Variants in KHDRBS3 observed in about 807,000 individuals in gnomAD.
KHDRBS3 encodes the protein KH domain-containing, RNA-binding, signal transduction-associated protein 3.
In KHDRBS3, 23 loss-of-function variants were observed where a neutral mutation model predicts 45.6. That is an observed-to-expected ratio of 0.50 (90% confidence interval 0.36 to 0.72). The LOEUF is 0.72. Among genes scored for constraint, KHDRBS3 ranks in the 30% least tolerant of loss-of-function variants. The pLI, the probability that KHDRBS3 is intolerant of heterozygous loss-of-function variation, is 0.00. For synonymous variants in KHDRBS3, 162 were observed against 156.5 expected (o/e 1.04, Z -0.26); for missense variants, 352 against 424.8 (o/e 0.83, Z 1.51).
intron 2 of KHDRBS3, among the ~76,000 whole-genome samples, chr8:135,537,881 A>C (rs1055061172): frequency 2.6e-5 from 4 of 152,204 alleles, no homozygotes; most frequent in Admixed American, 6.5e-5. Flanking sequence ...GTATTTGCTT[A>C]TTTCTTACTG....
chr8:135,507,282 G>C (rs1405625314), intron 1 of KHDRBS3, among the ~76,000 whole-genome samples: 2 of 152,182 alleles, frequency 1.3e-5, no homozygotes, highest in African/African-American at 4.8e-5. Flanking sequence ...ATAGAAGACA[G>C]TCAGATATCC....
In KHDRBS3 at chr8:135,637,762, A is replaced by G. The variant is rs540216232; in HGVS notation, c.891-7297A>G. Among the ~76,000 whole-genome samples, 6 of 152,332 alleles carry G rather than the reference A, an allele frequency of 3.9e-5. No individual in the cohort carries two copies. The East Asian group carries it at 1.2e-3, about 29-fold the overall frequency. ...CTAGATGTCAGCACTGTCCAGAACA[A>G]ATATGAATGAGGTGTCATTCCTGTC... On this transcript the variant is annotated intron_variant, in intron 7 of 8. Transcript: ENST00000355849.
intron 7 of KHDRBS3, among the ~76,000 whole-genome samples, chr8:135,611,713 A>C (rs1829714205): frequency 1.3e-5 from 2 of 151,910 alleles, no homozygotes; most frequent in South Asian, 4.1e-4. Context: ...ATTTCAATTT[A>C]AATCAGCTCT....
chr8:135,506,662 A>G (rs1824011580), intron 1 of KHDRBS3, among the ~76,000 whole-genome samples: 1 of 152,132 alleles, frequency 6.6e-6, no homozygotes, highest in Non-Finnish European at 1.5e-5. Flanking sequence ...TCAGCCTCCC[A>G]AAGTGCTTGG....
At chr8:135,608,261 A>T (rs1044610033) in intron 7 of KHDRBS3, among the ~76,000 whole-genome samples, 9 of 152,224 alleles carry the variant, frequency 5.9e-5, no homozygotes, top group Admixed American at 5.9e-4. Flanking sequence ...TAACTCAAAG[A>T]TATGTACCCT....
intron 7 of KHDRBS3, among the ~76,000 whole-genome samples, chr8:135,617,347 T>C (rs1281404350): frequency 1.3e-5 from 2 of 151,894 alleles, no homozygotes; most frequent in Non-Finnish European, 2.9e-5. Flanking sequence ...GCACCATCTT[T>C]GCTTACTGCA....
intron 1 of KHDRBS3, among the ~76,000 whole-genome samples, chr8:135,481,439 C>T (rs1822573506): frequency 7.8e-6 from 1 of 127,486 alleles, no homozygotes; most frequent in South Asian, 3.1e-4. Flanking sequence ...CGCTGCATAC[C>T]TCTGTCATAG....
At chr8:135,545,388 T>C (rs747613715) in intron 3 of KHDRBS3, among the ~76,000 whole-genome samples, 1 of 152,146 alleles carries the variant, frequency 6.6e-6, no homozygotes, top group Non-Finnish European at 1.5e-5. Flanking sequence ...GAAGGCTCTG[T>C]GGCATTTCAG....
intron 1 of KHDRBS3, among the ~76,000 whole-genome samples, chr8:135,506,241 G>A (rs2130544756): frequency 1.3e-5 from 2 of 152,206 alleles, no homozygotes; most frequent in East Asian, 3.9e-4. Flanking sequence ...TATTCAAGGT[G>A]CAAAACTAGT....
At chr8:135,586,400 G>C (rs1032785511) in intron 6 of KHDRBS3, among the ~76,000 whole-genome samples, 1 of 152,050 alleles carries the variant, frequency 6.6e-6, no homozygotes, top group Non-Finnish European at 1.5e-5. Flanking sequence ...AAGTGTAACA[G>C]ATGCTGCATG....
intron 1 of KHDRBS3, among the ~76,000 whole-genome samples, chr8:135,495,070 T>C (rs188041481): frequency 6.6e-6 from 1 of 152,368 alleles, no homozygotes; most frequent in African/African-American, 2.4e-5. Flanking sequence ...AGTGGAATTC[T>C]GTGGAAAATG....
chr8:135,489,405 C>A (rs997905343), intron 1 of KHDRBS3, among the ~76,000 whole-genome samples: 3 of 152,140 alleles, frequency 2.0e-5, no homozygotes, highest in African/African-American at 7.2e-5. Context: ...ATTGGCCAGG[C>A]ACGGTGGCTC....
intron 8 of KHDRBS3, 47 bp downstream of exon 8, chr8:135,645,164 G>GT (rs1196655937): frequency 1.3e-6 from 2 of 1,578,866 alleles, no homozygotes; most frequent in African/African-American, 2.7e-5. Flanking sequence ...AGAGATGGCC[G>GT]TAGAAAGACC....
intron 2 of KHDRBS3, among the ~76,000 whole-genome samples, chr8:135,535,234 T>TCA (rs1825677231): frequency 6.8e-6 from 1 of 146,680 alleles, no homozygotes; most frequent in African/African-American, 2.5e-5. Context: ...TAATAAACTA[T>TCA]TATATATAGT....
chr8:135,509,027 C>T lies in KHDRBS3; in HGVS notation c.89-12210C>T, dbSNP rs141646325. Among the ~76,000 whole-genome samples, 14 of 152,286 alleles carry T rather than the reference C, an allele frequency of 9.2e-5. No individual in the cohort carries two copies. The East Asian group carries it at 2.7e-3, about 29-fold the overall frequency. ...GGGACCAATAAATCTGTAGGTGAAC[C>T]TCAATCTCAGTCATTTGTTGTCCTC... On this transcript the variant is annotated intron_variant, in intron 1 of 8. Coordinates refer to ENST00000355849, the MANE Select transcript of KHDRBS3 (RefSeq NM_006558.3).
intron 7 of KHDRBS3, among the ~76,000 whole-genome samples, chr8:135,619,068 G>C (rs1383917520): frequency 2.6e-5 from 4 of 152,242 alleles, no homozygotes; most frequent in Non-Finnish European, 4.4e-5. Flanking sequence ...AAGTGTAAAG[G>C]CATAAATGCT....
chr8:135,614,263 C>T (rs1248738174), intron 7 of KHDRBS3, among the ~76,000 whole-genome samples: 1 of 151,734 alleles, frequency 6.6e-6, no homozygotes, highest in Admixed American at 6.6e-5. Context: ...TTCGGAATAG[C>T]TAGTATAGTG....
intron 1 of KHDRBS3, among the ~76,000 whole-genome samples, chr8:135,489,346 G>A (rs1444612728): frequency 2.6e-5 from 4 of 152,128 alleles, no homozygotes; most frequent in African/African-American, 9.7e-5. Flanking sequence ...GACTTAATAT[G>A]TGTGTATTTG....
intron 7 of KHDRBS3, among the ~76,000 whole-genome samples, chr8:135,641,392 G>T (rs942877553): frequency 6.6e-6 from 1 of 152,170 alleles, no homozygotes; most frequent in Non-Finnish European, 1.5e-5. Flanking sequence ...CAGTTTTATG[G>T]TGAGGTTACT....
Sources: gnomAD v4.1 joint callset for allele counts (sites outside exome capture counted in the v4.1 genomes callset) on GRCh38, gnomAD v4.1.1 for gene constraint, MANE v1.5 for transcripts, NCBI Gene and HGNC (gene_info 2026-07-23, HGNC 2026-07-21) for gene names.